Variants in ACTG2 observed in about 807,000 individuals in gnomAD.
ACTG2 encodes the protein actin gamma 2, smooth muscle, also known as actin, gamma-enteric smooth muscle.
Under a neutral mutation model 37.6 loss-of-function variants are expected in ACTG2, and 16 were observed. The observed-to-expected ratio is 0.43, with a 90% CI of 0.29 to 0.65. ACTG2 has a LOEUF of 0.65. Among genes scored for constraint, ACTG2 ranks in the 30% least tolerant of loss-of-function variants. ACTG2 has a pLI of 0.18. For missense variants in ACTG2, 238 were observed against 490.9 expected (o/e 0.48, Z 4.87); for synonymous variants, 181 against 179.9 (o/e 1.01, Z -0.05).
chr2:73,909,736 A>G (rs1457105090), intron 5 of ACTG2, among the ~76,000 whole-genome samples: 1 of 152,236 alleles, frequency 6.6e-6, no homozygotes, highest in African/African-American at 2.4e-5. Context: ...CAGTGAAAAT[A>G]TAATATCAAA....
At chr2:73,903,138 C>A (rs1402728071) in intron 3 of ACTG2, 1 of 166,406 alleles carries the variant, frequency 6.0e-6, no homozygotes, top group Non-Finnish European at 1.3e-5. Flanking sequence ...AATGGTGGAG[C>A]TCATGGTAAA....
chr2:73,898,993 G>A (rs1232234925), intron 1 of ACTG2, among the ~76,000 whole-genome samples: 1 of 151,506 alleles, frequency 6.6e-6, no homozygotes, highest in Admixed American at 6.6e-5. Context: ...TGTATTTTTA[G>A]TAGAGACGGG....
chr2:73,907,215 C>G (rs1680035290), intron 3 of ACTG2, among the ~76,000 whole-genome samples: 1 of 152,118 alleles, frequency 6.6e-6, no homozygotes, highest in South Asian at 2.1e-4. Flanking sequence ...TCTCTCTCCC[C>G]TCTGGACTTT....
intron 5 of ACTG2, among the ~76,000 whole-genome samples, chr2:73,912,528 T>C (rs745731595): frequency 2.0e-5 from 3 of 152,214 alleles, no homozygotes; most frequent in Non-Finnish European, 4.4e-5. Flanking sequence ...ATTATGTATT[T>C]ATTTTACCAT....
intron 5 of ACTG2, 59 bp downstream of exon 5, chr2:73,909,198 G>C (rs1573469210): frequency 6.7e-7 from 1 of 1,483,206 alleles, no homozygotes; most frequent in African/African-American, 1.4e-5. Context: ...GAAAAGCTGG[G>C]GTCTGGCAGA....
At chr2:73,897,490 C>A (rs1260761214) in intron 1 of ACTG2, among the ~76,000 whole-genome samples, 1 of 152,168 alleles carries the variant, frequency 6.6e-6, no homozygotes, top group Admixed American at 6.5e-5. Context: ...GAGAAGACTG[C>A]CCATGTGATT....
intron 3 of ACTG2, among the ~76,000 whole-genome samples, chr2:73,903,817 G>A (rs1679942945): frequency 6.6e-6 from 1 of 151,774 alleles, no homozygotes; most frequent in South Asian, 2.1e-4. Context: ...GCGGGTGCCT[G>A]TAATCCCAGC....
rs1680078502 is a variant in ACTG2, at chr2:73,909,288, T to C, written c.451+149T>C. The C allele has an allele frequency of 3.0e-5, 20 of 672,808 alleles. No individual in the cohort carries two copies. In the South Asian group the frequency reaches 3.4e-4, roughly 11 times the overall value. 41.7% of individuals were successfully genotyped at this position (672,808 alleles called of 1,614,324 possible). On this transcript the variant is annotated intron_variant, in intron 5 of 8. Transcript: ENST00000345517. The stretch of plus-strand genomic sequence containing the variant: ...TAGGGATAATAGGTGAGAATGCCCA[T>C]GTGGAATGCCAGATGTGAGCCTAGC...
At chr2:73,913,304 G>A (rs1021606055) in intron 5 of ACTG2, among the ~76,000 whole-genome samples, 181 bp from the exon 6 acceptor site, 2 of 152,062 alleles carry the variant, frequency 1.3e-5, no homozygotes, top group Admixed American at 6.6e-5. Flanking sequence ...AGTCTCACTG[G>A]GGGGAAAAAA....
At chr2:73,909,214 C>T in intron 5 of ACTG2, 75 bp downstream of exon 5, 1 of 1,353,730 alleles carries the variant, frequency 7.4e-7, no homozygotes, top group Non-Finnish European at 1.1e-6. Flanking sequence ...GCAGAGGCTC[C>T]TGCTCAGAAG....
intron 5 of ACTG2, 140 bp downstream of exon 5, chr2:73,909,279 G>A (rs999682630): frequency 1.4e-6 from 1 of 708,050 alleles, no homozygotes; most frequent in African/African-American, 1.8e-5. Context: ...TAATAGGTGA[G>A]AATGCCCATG....
At chr2:73,905,176 T>C (rs1394708060) in intron 3 of ACTG2, among the ~76,000 whole-genome samples, 5 of 152,120 alleles carry the variant, frequency 3.3e-5, no homozygotes, top group Non-Finnish European at 7.4e-5. Context: ...TCTTGGTTTA[T>C]AGCCCTAAGC....
At chr2:73,906,355 G>C (rs975327785) in intron 3 of ACTG2, among the ~76,000 whole-genome samples, 3 of 152,040 alleles carry the variant, frequency 2.0e-5, no homozygotes, top group African/African-American at 7.2e-5. Context: ...GGAGGCTGAC[G>C]CAGGAGAATG....
rs1046490761 is a variant in ACTG2, at chr2:73,919,747, G to A, written c.*172G>A. ...TACTTTTAATCCATGCAATAGTGCT[G>A]TAAGGTAGGTGCTATCATTATACCC... On this transcript the variant is annotated 3_prime_UTR_variant, in exon 9 of 9. Coordinates refer to ENST00000345517, the MANE Select transcript of ACTG2 (RefSeq NM_001615.4). 4.2e-5 allele frequency: 26 copies of A among 623,932 alleles called. No homozygotes were observed. Among genetic ancestry groups the A allele is most frequent in the Non-Finnish European group, 6.4e-5 (25 of 388,376 alleles). 38.6% of individuals were successfully genotyped at this position (623,932 alleles called of 1,614,324 possible).
chr2:73,903,939 C>CAAAAAA (rs61362643), intron 3 of ACTG2, among the ~76,000 whole-genome samples: 5 of 90,016 alleles, frequency 5.6e-5, no homozygotes, highest in African/African-American at 8.5e-5. Context: ...GACTCCGTCT[C>CAAAAAA]AAAAAAAAAA....
In ACTG2 at chr2:73,916,516, T is replaced by C. The variant is rs1680271408; in HGVS notation, c.806-68T>C. 3 of 1,425,810 alleles carry C rather than the reference T, an allele frequency of 2.1e-6. No individual in the cohort carries two copies. In the South Asian group the frequency reaches 4.0e-5, roughly 19 times the overall value. 88.3% of individuals were successfully genotyped at this position (1,425,810 alleles called of 1,614,324 possible). A position where few individuals can be genotyped will look rare whatever the true frequency, so the allele number is the denominator to read the frequency against. ...GTTGCAACAATCGAAGAAGGGTCAT[T>C]TGAGGAGCTGGAGGTGTGCATATTT... On this transcript the variant is annotated intron_variant, in intron 7 of 8. Coordinates refer to ENST00000345517, the MANE Select transcript of ACTG2 (RefSeq NM_001615.4).
In ACTG2 at chr2:73,895,823, C is replaced by T. The variant is rs1251705093; in HGVS notation, c.-37+2772C>T. ...TACAGCCCTTGACGACAGGGATTGA[C>T]GAAGCCCGGATAGTAAATATTTTAG... On this transcript the variant is annotated intron_variant, in intron 1 of 8. Transcript: ENST00000345517. 3.3e-5 allele frequency among the ~76,000 whole-genome samples: 5 copies of T among 152,252 alleles called. No homozygotes were observed. In the East Asian group the frequency reaches 9.6e-4, roughly 29 times the overall value.
intron 5 of ACTG2, among the ~76,000 whole-genome samples, chr2:73,911,943 T>C (rs930652817): frequency 3.3e-5 from 5 of 152,212 alleles, no homozygotes; most frequent in African/African-American, 7.2e-5. Context: ...CATTCATCCA[T>C]CATATATTTT....
intron 7 of ACTG2, among the ~76,000 whole-genome samples, chr2:73,915,322 C>G (rs1680239456): frequency 3.6e-5 from 5 of 138,746 alleles, no homozygotes; most frequent in Admixed American, 2.8e-4. Flanking sequence ...GAGTTTGAGA[C>G]CAGACTGGGC....
Sources: allele counts gnomAD v4.1 joint callset (sites outside exome capture counted in the v4.1 genomes callset), GRCh38; gene constraint gnomAD v4.1.1; transcripts MANE v1.5; gene names NCBI Gene and HGNC (gene_info 2026-07-23, HGNC 2026-07-21).